CSMD1: variants seen among roughly 807,000 people sequenced by gnomAD.
CSMD1 encodes CUB and Sushi multiple domains 1.
In CSMD1, 213 loss-of-function variants were observed where a neutral mutation model predicts 417.5. The observed-to-expected ratio is 0.51, with a 90% CI of 0.46 to 0.57. CSMD1 has a LOEUF of 0.57. Ranked by LOEUF, CSMD1 falls within the 20% of genes least tolerant of loss-of-function variation. The probability of loss-of-function intolerance (pLI) is 0.00; values close to 1 mark genes in which losing one functional copy is unlikely to be tolerated. For synonymous variants in CSMD1, 2,862 were observed against 1,736.8 expected, an observed-to-expected ratio of 1.65 and a Z score of -16.11; for missense variants, 6,923 against 4,529.7, an observed-to-expected ratio of 1.53 and a Z score of -15.17.
chr8:3,539,133 G>T (rs1049770663), intron 10 of CSMD1, among the ~76,000 whole-genome samples: 1 of 152,178 alleles, frequency 6.6e-6, no homozygotes, highest in Non-Finnish European at 1.5e-5. Flanking sequence ...GGGACCGCTT[G>T]TCTTTCCCTT....
intron 2 of CSMD1, among the ~76,000 whole-genome samples, chr8:4,492,102 A>C (rs1801733846): frequency 6.6e-6 from 1 of 152,132 alleles, no homozygotes; most frequent in South Asian, 2.1e-4. Context: ...TGGTTTCCTT[A>C]TTATTCTTTT....
chr8:4,570,175 G>C (rs527487813), intron 2 of CSMD1, among the ~76,000 whole-genome samples: 9 of 152,090 alleles, frequency 5.9e-5, no homozygotes, highest in Non-Finnish European at 1.0e-4. Context: ...CCAACACTAC[G>C]TTGAATAGCA....
Position 3,981,500 on chromosome 8 carries a change from TAAAAAA to T in CSMD1, c.818+16397_818+16402del, listed in dbSNP as rs200296436. Among the ~76,000 whole-genome samples the T allele has an allele frequency of 3.9e-4, 45 of 115,074 alleles. 1 individual carries two copies. Among genetic ancestry groups the T allele is most frequent in the East Asian group, 1.9e-3 (8 of 4,132 alleles). 75.5% of individuals were successfully genotyped at this position (115,074 alleles called of 152,430 possible). A position where few individuals can be genotyped will look rare whatever the true frequency, so the allele number is the denominator to read the frequency against. Reference sequence around the variant, plus strand: ...TACTCCAATAACTTATAGAAAAAAGTAAAAAAAAAAAAAAAAAAAAAAAAAGAACAT... The same window carrying T: ...TACTCCAATAACTTATAGAAAAAAGTAAAAAAAAAAAAAAAAAAAGAACAT... On this transcript the variant is annotated intron_variant, in intron 5 of 69. Coordinates refer to ENST00000635120, the MANE Select transcript of CSMD1 (RefSeq NM_033225.6).
rs9314543 is a variant in CSMD1 at position 4,822,482 on chromosome 8, C to A, written c.85+171850G>T. Among the ~76,000 whole-genome samples the A allele has an allele frequency of 1.8e-4, 28 of 151,970 alleles. 1 individual carries two copies. In the East Asian group the frequency reaches 4.9e-3, roughly 26 times the overall value. On this transcript the variant is annotated intron_variant, in intron 1 of 69. Transcript: ENST00000635120. ...CTGTCAGTTTACGTGGATTGTAACC[C>A]GATGGAGATGTTTCTCATTTACCTG...
chr8:3,559,455 T>C (rs561334069), intron 10 of CSMD1, among the ~76,000 whole-genome samples: 1 of 152,266 alleles, frequency 6.6e-6, no homozygotes, highest in Admixed American at 6.5e-5. Flanking sequence ...AAGCAACCTG[T>C]AAATGTGTGG....
intron 4 of CSMD1, among the ~76,000 whole-genome samples, chr8:4,016,308 T>TG (rs1448254409): frequency 5.9e-5 from 9 of 152,130 alleles, no homozygotes; most frequent in Admixed American, 5.9e-4. Context: ...AGAAAATAAA[T>TG]GGGGAATAAT....
chr8:4,945,827 G>A (rs1000439109), intron 1 of CSMD1, among the ~76,000 whole-genome samples: 1 of 152,134 alleles, frequency 6.6e-6, no homozygotes, highest in Non-Finnish European at 1.5e-5. Context: ...GTTTTGGAGA[G>A]TCCAAGGTCA....
chr8:3,087,052 G>T, intron 49 of CSMD1, 45 bp downstream of exon 49: 15 of 1,492,214 alleles, frequency 1.0e-5, no homozygotes, highest in Non-Finnish European at 1.4e-5. Context: ...TAAAATGAGA[G>T]CAATACACAG....
chr8:4,353,265 G>T (rs957167732), intron 3 of CSMD1, among the ~76,000 whole-genome samples: 6 of 152,036 alleles, frequency 3.9e-5, no homozygotes, highest in African/African-American at 1.4e-4. Flanking sequence ...GTAAGTCTCA[G>T]GAGATCTGAT....
intron 1 of CSMD1, among the ~76,000 whole-genome samples, chr8:4,779,161 G>C (rs966931035): frequency 6.6e-6 from 1 of 152,136 alleles, no homozygotes; most frequent in Non-Finnish European, 1.5e-5. Context: ...GAAGTCTTCG[G>C]TTTAAAATAT....
At chr8:3,951,667 A>C (rs1811610469) in intron 5 of CSMD1, among the ~76,000 whole-genome samples, 1 of 152,214 alleles carries the variant, frequency 6.6e-6, no homozygotes, top group Non-Finnish European at 1.5e-5. Context: ...AAAAATTAAA[A>C]AATAAACATT....
chr8:3,062,902 G>A (rs1812678608), intron 49 of CSMD1, among the ~76,000 whole-genome samples: 1 of 152,066 alleles, frequency 6.6e-6, no homozygotes, highest in Non-Finnish European at 1.5e-5. Context: ...AAAGAGACAG[G>A]TACAAACATT....
intron 28 of CSMD1, among the ~76,000 whole-genome samples, chr8:3,222,877 G>GAAAGTGAGGGTATGT (rs1209483031): frequency 6.6e-6 from 1 of 152,168 alleles, no homozygotes; most frequent in Non-Finnish European, 1.5e-5. Flanking sequence ...ATCAGGAGGA[G>GAAAGTGAGGGTATGT]AAAGTGAGGG....
intron 40 of CSMD1, among the ~76,000 whole-genome samples, chr8:3,146,380 TA>T (rs1818846686): frequency 6.6e-6 from 1 of 152,012 alleles, no homozygotes; most frequent in Non-Finnish European, 1.5e-5. Flanking sequence ...ACTAGATAAG[TA>T]AACTAGAATT....
intron 1 of CSMD1, among the ~76,000 whole-genome samples, chr8:4,752,373 G>T (rs1205227737): frequency 6.6e-6 from 1 of 152,096 alleles, no homozygotes; most frequent in Non-Finnish European, 1.5e-5. Context: ...AACAATAGAT[G>T]AAACAAAAGC....
rs751604520 is a variant in CSMD1, at chr8:4,031,898, AC to A, written c.610+6del. On this transcript the variant is annotated splice_donor_region_variant and intron_variant, in intron 4 of 69. Coordinates refer to ENST00000635120, the MANE Select transcript of CSMD1 (RefSeq NM_033225.6). ...GTCTGCTCACCAGCCCCCTTGTAGCACTGTACCTCTGCAAAAGGGAGCTGGG... is the reference window on the plus strand; with the variant it reads ...GTCTGCTCACCAGCCCCCTTGTAGCATGTACCTCTGCAAAAGGGAGCTGGG... The A allele has an allele frequency of 2.5e-6, 4 of 1,610,762 alleles. No homozygotes were observed. In the African/African-American group the frequency reaches 5.3e-5, roughly 22 times the overall value.
Position 2,955,635 on chromosome 8 carries a change from T to C in CSMD1, c.9948A>G (p.Thr3316=), listed in dbSNP as rs1260045567. 1 of 1,613,886 alleles carries C rather than the reference T, an allele frequency of 6.2e-7. No individual in the cohort carries two copies. The highest frequency in any genetic ancestry group is 8.5e-7 in the Non-Finnish European group (1 of 1,179,820). ...FFLAGGSEHR[T]CKADMKWTGK... ...CTGTCCATTTCATGTCTGCTTTACA[T>C]GTTCTGTGCTCAGATCCCCCTGCGA... The change falls in exon 64 of 70, where the codon ACA becomes ACG. Residue 3316 remains threonine, a synonymous_variant. Coordinates refer to ENST00000635120, the MANE Select transcript of CSMD1 (RefSeq NM_033225.6).
At chr8:3,795,179 CTATAGATACCTATCATGTACAGA>C (rs1585010044) in intron 5 of CSMD1, among the ~76,000 whole-genome samples, 6 of 38,216 alleles carry the variant, frequency 1.6e-4, no homozygotes, top group African/African-American at 5.7e-4. Flanking sequence ...TCATGTACAG[CTATAGATACCTATCATGTACAGA>C]TATAGATACC....
chr8:3,237,091 G>A (rs772547000), intron 26 of CSMD1, among the ~76,000 whole-genome samples: 2 of 151,982 alleles, frequency 1.3e-5, no homozygotes, highest in African/African-American at 4.8e-5. Flanking sequence ...GATTGACAAC[G>A]TGCGGCTACT....
Sources: gnomAD v4.1 joint callset for allele counts (sites outside exome capture counted in the v4.1 genomes callset) on GRCh38, gnomAD v4.1.1 for gene constraint, MANE v1.5 for transcripts, NCBI Gene and HGNC (gene_info 2026-07-23, HGNC 2026-07-21) for gene names.